Variants in TMEM212 observed in about 807,000 individuals in gnomAD.
TMEM212 encodes the protein transmembrane protein 212.
TMEM212 carries 23 observed loss-of-function variants against 20.5 expected under a neutral mutation model. That is an observed-to-expected ratio of 1.12 (90% confidence interval 0.81 to 1.59). The LOEUF is 1.59. Among genes scored for constraint, TMEM212 ranks in the 40% most tolerant of loss-of-function variants. TMEM212 has a pLI of 0.00. For missense variants in TMEM212, 211 were observed against 215.0 expected, an observed-to-expected ratio of 0.98 and a Z score of 0.12; for synonymous variants, 76 against 81.6, an observed-to-expected ratio of 0.93 and a Z score of 0.37.
At chr3:171,848,560 CATAGA>C (rs1288301924) in intron 1 of TMEM212, among the ~76,000 whole-genome samples, 3 of 44,340 alleles carry the variant, frequency 6.8e-5, no homozygotes, top group South Asian at 1.4e-3. Flanking sequence ...ACAATAAATG[CATAGA>C]ATAGAATAGA....
chr3:171,849,734 A>G (rs1724927603), intron 1 of TMEM212, among the ~76,000 whole-genome samples: 1 of 152,092 alleles, frequency 6.6e-6, no homozygotes, highest in Admixed American at 6.5e-5. Context: ...CAATTCATCT[A>G]CTTCTGGGAA....
At chr3:171,856,226 C>A (rs1030269354) in intron 3 of TMEM212, among the ~76,000 whole-genome samples, 2 of 152,138 alleles carry the variant, frequency 1.3e-5, no homozygotes, top group South Asian at 2.1e-4. Context: ...ACTTTAAGGA[C>A]AAAATTCTTA....
intron 4 of TMEM212, chr3:171,857,051 G>A (rs1017034891): frequency 3.4e-4 from 58 of 170,636 alleles, no homozygotes; most frequent in Admixed American, 1.1e-3. Context: ...AGCATTCATC[G>A]GGGCTGAATG....
rs1214107358 is a variant in TMEM212 at position 171,859,291 on chromosome 3, G to C, written c.*1234G>C. On this transcript the variant is annotated 3_prime_UTR_variant, in exon 5 of 5. Coordinates refer to ENST00000334567, the MANE Select transcript of TMEM212 (RefSeq NM_001164436.2). Reference sequence around the variant, plus strand: ...TTGTGCACATGTACCCTAGAACTTAGAGTATAATAAAAAAAAAGAAAACAG... The same window carrying C: ...TTGTGCACATGTACCCTAGAACTTACAGTATAATAAAAAAAAAGAAAACAG... 1.3e-4 allele frequency: 20 copies of C among 151,782 alleles called. No homozygotes were observed. The highest frequency in any genetic ancestry group is 6.6e-5 in the Admixed American group (1 of 15,234). 9.4% of individuals were successfully genotyped at this position (151,782 alleles called of 1,614,324 possible).
chr3:171,843,876 A>C (rs1230480465), intron 1 of TMEM212, among the ~76,000 whole-genome samples: 1 of 152,246 alleles, frequency 6.6e-6, no homozygotes, highest in Non-Finnish European at 1.5e-5. Context: ...TGAATTTAGA[A>C]AAAAACATAA....
At position 171,847,844 on chromosome 3, in the gene TMEM212, G is replaced by T. The variant is rs188906356; in HGVS notation, c.160-4138G>T. Among the ~76,000 whole-genome samples, 8 of 152,166 alleles carry T rather than the reference G, an allele frequency of 5.3e-5. No individual in the cohort carries two copies. The East Asian group carries it at 7.7e-4, about 15-fold the overall frequency. On this transcript the variant is annotated intron_variant, in intron 1 of 4. Coordinates refer to ENST00000334567, the MANE Select transcript of TMEM212 (RefSeq NM_001164436.2). Reference sequence around the variant, plus strand: ...GAGGGTGATCAGATATTGAGACTAGGGGGGGTTCTTGCTAAACTGACTCAT... The same window carrying T: ...GAGGGTGATCAGATATTGAGACTAGTGGGGGTTCTTGCTAAACTGACTCAT...
chr3:171,853,615 C>T lies in TMEM212; in HGVS notation c.308C>T (p.Pro103Leu), dbSNP rs766097647. Reference protein sequence around the residue: ...AIALESALLGPYCFYSFSGIA... With the variant: ...AIALESALLGLYCFYSFSGIA... ...GCCTTGGAATCTGCTCTCCTGGGCC[C>T]ATATTGCTTCTATTCATTTTCAGGG... The change falls in exon 3 of 5, where the codon CCA (proline) becomes CTA (leucine). Residue 103 changes from proline to leucine, a missense_variant. Physicochemically the swap from Pro to Leu is moderately conservative, Grantham distance 98 (BLOSUM62 -3). Coordinates refer to ENST00000334567, the MANE Select transcript of TMEM212 (RefSeq NM_001164436.2). 1.1e-5 allele frequency: 17 copies of T among 1,537,234 alleles called. No individual in the cohort carries two copies. The East Asian group carries it at 3.4e-4, about 31-fold the overall frequency.
In TMEM212 at chr3:171,853,739, C is replaced by A; in HGVS notation, c.432C>A (p.Tyr144Ter). The A allele has an allele frequency of 6.5e-7, 1 of 1,537,424 alleles. No homozygotes were observed. The highest frequency in any genetic ancestry group is 8.7e-7 in the Non-Finnish European group (1 of 1,146,886). The change falls in exon 3 of 5, where the codon TAC becomes TAA. Residue 144 changes from tyrosine to a stop codon, truncating the protein, a stop_gained. Transcript: ENST00000334567. LOFTEE classifies it high-confidence loss of function. ...ACVDPPHYEE[Y>*]HLTLQALDLC... ...TGGACCCACCACACTACGAAGAGTA[C>A]CACCTGACACTTCAAGCCCTAGACC...
intron 2 of TMEM212, 69 bp from the exon 3 acceptor site, chr3:171,853,458 T>C (rs1407650174): frequency 1.5e-6 from 2 of 1,341,920 alleles, no homozygotes; most frequent in East Asian, 5.0e-5. Context: ...TTTATTTTCT[T>C]CATATTGCTA....
At chr3:171,846,735 TAATGTCTA>T (rs1724843167) in intron 1 of TMEM212, among the ~76,000 whole-genome samples, 1 of 152,236 alleles carries the variant, frequency 6.6e-6, no homozygotes, top group Admixed American at 6.5e-5. Context: ...AGTCTTTCAA[TAATGTCTA>T]AATTTGGACG....
chr3:171,855,831 C>T (rs1725101994), intron 3 of TMEM212, among the ~76,000 whole-genome samples: 1 of 152,094 alleles, frequency 6.6e-6, no homozygotes, highest in Admixed American at 6.5e-5. Context: ...TTTTTATTTT[C>T]ACTGGAAATT....
chr3:171,844,285 T>G (rs1387511870), intron 1 of TMEM212, among the ~76,000 whole-genome samples: 1 of 152,192 alleles, frequency 6.6e-6, no homozygotes, highest in Non-Finnish European at 1.5e-5. Context: ...TGGTATGATT[T>G]AAGAGAAGTT....
At chr3:171,854,600 C>T (rs184186477) in intron 3 of TMEM212, among the ~76,000 whole-genome samples, 205 of 152,244 alleles carry the variant, frequency 1.3e-3, no homozygotes, top group African/African-American at 4.6e-3. Context: ...CAGGGCAATT[C>T]CTATCAAAAG....
At chr3:171,852,321 C>T (rs934848297) in intron 2 of TMEM212, among the ~76,000 whole-genome samples, 1 of 152,066 alleles carries the variant, frequency 6.6e-6, no homozygotes, top group African/African-American at 2.4e-5. Flanking sequence ...CTGCCTCAGC[C>T]TCCCAAGTAG....
At chr3:171,855,191 A>G (rs970003894) in intron 3 of TMEM212, among the ~76,000 whole-genome samples, 50 of 152,288 alleles carry the variant, frequency 3.3e-4, no homozygotes, top group African/African-American at 1.2e-3. Context: ...TGATACCTCA[A>G]AAATTCAGCT....
chr3:171,846,079 A>G (rs1310016553), intron 1 of TMEM212, among the ~76,000 whole-genome samples: 1 of 151,860 alleles, frequency 6.6e-6, no homozygotes, highest in Non-Finnish European at 1.5e-5. Context: ...CCTGGACTTC[A>G]TCTCCTACCA....
intron 2 of TMEM212, among the ~76,000 whole-genome samples, chr3:171,853,243 T>A (rs1189103717): frequency 6.6e-6 from 1 of 151,684 alleles, no homozygotes; most frequent in Non-Finnish European, 1.5e-5. Flanking sequence ...GGTTGATCTG[T>A]GCAGCAAATC....
chr3:171,847,512 A>G (rs1428416044), intron 1 of TMEM212, among the ~76,000 whole-genome samples: 1 of 152,254 alleles, frequency 6.6e-6, no homozygotes, highest in East Asian at 1.9e-4. Flanking sequence ...TGTCAAAGAA[A>G]AACCAGAGCT....
At chr3:171,853,994 G>C (rs1265294849) in intron 3 of TMEM212, 144 bp downstream of exon 3, 1 of 640,824 alleles carries the variant, frequency 1.6e-6, no homozygotes, top group Non-Finnish European at 2.6e-6. Flanking sequence ...CACATAATAG[G>C]TACTGAATAA....
Sources: allele counts gnomAD v4.1 joint callset (sites outside exome capture counted in the v4.1 genomes callset), GRCh38; gene constraint gnomAD v4.1.1; transcripts MANE v1.5; gene names NCBI Gene and HGNC (gene_info 2026-07-23, HGNC 2026-07-21).